The following CSMD1 variants were observed in gnomAD, a reference collection of about 807,000 sequenced individuals.
The protein encoded by CSMD1 is CUB and Sushi multiple domains 1.
Under a neutral mutation model 417.5 loss-of-function variants are expected in CSMD1, and 213 were observed. The observed-to-expected ratio is 0.51, with a 90% CI of 0.46 to 0.57. The LOEUF (loss-of-function observed/expected upper bound fraction) is 0.57. CSMD1 is among the 20% of genes least tolerant of loss of function. The pLI is 0.00. For missense variants in CSMD1, 6,923 were observed against 4,529.7 expected (o/e 1.53, Z -15.17); for synonymous variants, 2,862 against 1,736.8 (o/e 1.65, Z -16.11).
At chr8:3,338,235 G>C (rs1378956530) in intron 23 of CSMD1, among the ~76,000 whole-genome samples, 1 of 152,154 alleles carries the variant, frequency 6.6e-6, no homozygotes, top group Non-Finnish European at 1.5e-5. Flanking sequence ...CCATGTCCAG[G>C]TCACCCTGGC....
At chr8:4,289,862 T>A (rs1026392851) in intron 3 of CSMD1, among the ~76,000 whole-genome samples, 4 of 152,158 alleles carry the variant, frequency 2.6e-5, no homozygotes, top group African/African-American at 9.7e-5. Flanking sequence ...TCAAAGTGTA[T>A]TTGCTACAAA....
intron 49 of CSMD1, among the ~76,000 whole-genome samples, chr8:3,065,995 G>A (rs1812914310): frequency 6.6e-6 from 1 of 152,120 alleles, no homozygotes; most frequent in African/African-American, 2.4e-5. Flanking sequence ...GCAAATGACT[G>A]TTCAGTCATT....
chr8:2,951,000 A>T, intron 66 of CSMD1, 114 bp downstream of exon 66: 5 of 1,080,614 alleles, frequency 4.6e-6, no homozygotes, highest in Non-Finnish European at 6.4e-6. Context: ...CAGTATATAC[A>T]AAGCCAACAG....
At chr8:3,543,845 T>C (rs571883890) in intron 10 of CSMD1, among the ~76,000 whole-genome samples, 6 of 152,232 alleles carry the variant, frequency 3.9e-5, no homozygotes, top group East Asian at 1.9e-4. Context: ...AGCAGATGGA[T>C]TGTATTTGAA....
intron 17 of CSMD1, among the ~76,000 whole-genome samples, chr8:3,388,960 G>A (rs146028824): frequency 5.3e-5 from 8 of 151,074 alleles, no homozygotes; most frequent in African/African-American, 1.7e-4. Context: ...CAGAGGCATT[G>A]TTTATGACTT....
intron 5 of CSMD1, among the ~76,000 whole-genome samples, chr8:3,904,847 G>T (rs139850137): frequency 0.034 from 5,215 of 152,014 alleles, 293 homozygotes; most frequent in African/African-American, 0.12. Context: ...ATGTTGACCA[G>T]GCTGGTCTCA....
At chr8:4,602,021 G>A (rs546422418) in intron 2 of CSMD1, among the ~76,000 whole-genome samples, 1 of 152,244 alleles carries the variant, frequency 6.6e-6, no homozygotes, top group South Asian at 2.1e-4. Context: ...AATGACATTT[G>A]CTAGCAGGCA....
chr8:3,785,484 A>T (rs570711065), intron 5 of CSMD1, among the ~76,000 whole-genome samples: 1 of 152,194 alleles, frequency 6.6e-6, no homozygotes, highest in Non-Finnish European at 1.5e-5. Flanking sequence ...CTTGTACTCT[A>T]GTGTTGGAAA....
chr8:3,111,698 G>A (rs777115079), intron 42 of CSMD1, among the ~76,000 whole-genome samples: 1 of 152,052 alleles, frequency 6.6e-6, no homozygotes, highest in African/African-American at 2.4e-5. Context: ...CAGGCGTGGT[G>A]GTGCACGCCT....
intron 51 of CSMD1, among the ~76,000 whole-genome samples, chr8:3,020,675 T>C (rs916779123): frequency 3.3e-5 from 5 of 152,140 alleles, no homozygotes; most frequent in Non-Finnish European, 7.4e-5. Flanking sequence ...CTTTACTCCA[T>C]GTTATGATAG....
Position 4,425,336 on chromosome 8 carries a change from T to A in CSMD1, c.303-5271A>T, listed in dbSNP as rs140145164. ...GGAAAATATATGCATGTGATCTGAT[T>A]TCAAATAGCTGCAATGAAATGGATT... On this transcript the variant is annotated intron_variant, in intron 2 of 69. Coordinates refer to ENST00000635120, the MANE Select transcript of CSMD1 (RefSeq NM_033225.6). Among the ~76,000 whole-genome samples the A allele has an allele frequency of 7.5e-3, 1,126 of 150,984 alleles. 20 individuals carry two copies. The highest frequency in any genetic ancestry group is 0.026 in the African/African-American group (1,065 of 40,962).
At chr8:4,015,104 T>G (rs1796458244) in intron 4 of CSMD1, among the ~76,000 whole-genome samples, 1 of 152,200 alleles carries the variant, frequency 6.6e-6, no homozygotes. Context: ...GCAAGAAAGG[T>G]GCTTAAAACC....
At chr8:3,465,515 G>A (rs1361293119) in intron 12 of CSMD1, among the ~76,000 whole-genome samples, 3 of 152,136 alleles carry the variant, frequency 2.0e-5, no homozygotes, top group African/African-American at 4.8e-5. Flanking sequence ...GGGGGTAGTG[G>A]GGGTGCCAGG....
At chr8:3,154,482 T>C (rs1374035290) in intron 39 of CSMD1, among the ~76,000 whole-genome samples, 2 of 152,250 alleles carry the variant, frequency 1.3e-5, no homozygotes, top group East Asian at 3.8e-4. Flanking sequence ...TTTTATAAAA[T>C]GGCTAGAGAC....
intron 27 of CSMD1, among the ~76,000 whole-genome samples, chr8:3,225,301 T>G (rs577149594): frequency 1.3e-5 from 2 of 152,286 alleles, no homozygotes; most frequent in African/African-American, 4.8e-5. Context: ...AGAAAACATT[T>G]ATAATAATAA....
intron 5 of CSMD1, among the ~76,000 whole-genome samples, chr8:3,882,557 T>C (rs1028430597): frequency 5.9e-5 from 9 of 152,182 alleles, no homozygotes; most frequent in Non-Finnish European, 1.2e-4. Context: ...TCCTTAGGCA[T>C]ATACCCAATA....
In CSMD1 at chr8:3,821,796, G is replaced by GCAAACAAA. The variant is rs536994167; in HGVS notation, c.819-67762_819-67755dup. ...GACTCTGTCTCAAAAAAACAAACAA[G>GCAAACAAA]CAAACAAACAAACAAACAAAAAGTT... On this transcript the variant is annotated intron_variant, in intron 5 of 69. Transcript: ENST00000635120. 1.7e-3 allele frequency among the ~76,000 whole-genome samples: 263 copies of GCAAACAAA among 151,946 alleles called. 3 individuals are homozygous for GCAAACAAA. The South Asian group carries it at 0.051, about 30-fold the overall frequency.
At chr8:4,429,366 TAC>T (rs910017341) in intron 2 of CSMD1, among the ~76,000 whole-genome samples, 9 of 152,100 alleles carry the variant, frequency 5.9e-5, no homozygotes, top group African/African-American at 1.9e-4. Flanking sequence ...ACACACATTT[TAC>T]ACACACACAT....
intron 12 of CSMD1, among the ~76,000 whole-genome samples, chr8:3,467,006 G>A (rs1816825635): frequency 6.6e-6 from 1 of 151,916 alleles, no homozygotes. Context: ...CATTGAATTG[G>A]CCATCTCTCA....
Sources: gnomAD v4.1 joint callset for allele counts (sites outside exome capture counted in the v4.1 genomes callset) on GRCh38, gnomAD v4.1.1 for gene constraint, MANE v1.5 for transcripts, NCBI Gene and HGNC (gene_info 2026-07-23, HGNC 2026-07-21) for gene names.